Variants in CCR3 observed in about 807,000 individuals in gnomAD.
The protein encoded by CCR3 is C-C motif chemokine receptor 3.
For missense variants in CCR3, 419 were observed against 437.5 expected, an observed-to-expected ratio of 0.96 and a Z score of 0.38; for synonymous variants, 203 against 179.2, an observed-to-expected ratio of 1.13 and a Z score of -1.06.
At chr3:46,229,947 T>C (rs1699942928) in intron 2 of CCR3, among the ~76,000 whole-genome samples, 1 of 152,104 alleles carries the variant, frequency 6.6e-6, no homozygotes, top group Non-Finnish European at 1.5e-5. Flanking sequence ...GGGTAGCCCT[T>C]ATCCCATGAG....
chr3:46,211,001 T>C (rs1326208260), intron 2 of CCR3: 1 of 152,176 alleles, frequency 6.6e-6, no homozygotes, highest in Non-Finnish European at 1.5e-5. Flanking sequence ...TATTCTGATG[T>C]ACTTGGTCTA....
rs201531648 is a variant in CCR3, at chr3:46,265,896, G to C, written c.738G>C (p.Ala246=). The change falls in exon 2 of 2, where the codon GCG becomes GCC. Residue 246 remains alanine (A), a synonymous_variant. Transcript: ENST00000395940. ...TCCGGCTCATTTTTGTCATCATGGC[G>C]GTGTTTTTCATTTTCTGGACACCCT... The part of the protein sequence containing the change: ...KAIRLIFVIM[A]VFFIFWTPYN... The C allele has an allele frequency of 3.7e-6, 6 of 1,614,078 alleles. No individual in the cohort carries two copies. In the Admixed American group the frequency reaches 5.0e-5, roughly 13 times the overall value.
intron 1 of CCR3, among the ~76,000 whole-genome samples, chr3:46,254,093 G>A (rs1396780435): frequency 6.6e-6 from 1 of 152,084 alleles, no homozygotes; most frequent in African/African-American, 2.4e-5. Context: ...TTATAATTAT[G>A]TATATAAATT....
chr3:46,215,728 C>A (rs764578200), intron 2 of CCR3, among the ~76,000 whole-genome samples: 3 of 152,166 alleles, frequency 2.0e-5, no homozygotes, highest in Non-Finnish European at 4.4e-5. Context: ...TACCCTGGGG[C>A]TAGAGAAATG....
upstream of CCR3, among the ~76,000 whole-genome samples, chr3:46,239,960 C>T (rs1700062929): frequency 6.6e-6 from 1 of 152,216 alleles, no homozygotes; most frequent in South Asian, 2.1e-4. Context: ...ATGGAATCTA[C>T]TGTGAACTCG....
chr3:46,240,605 A>G (rs1700071014), upstream of CCR3, among the ~76,000 whole-genome samples: 1 of 152,126 alleles, frequency 6.6e-6, no homozygotes, highest in African/African-American at 2.4e-5. Flanking sequence ...AGAGCACAAT[A>G]TATTATACTA....
At chr3:46,223,226 T>A (rs577434835) in intron 2 of CCR3, among the ~76,000 whole-genome samples, 3 of 152,122 alleles carry the variant, frequency 2.0e-5, no homozygotes, top group Non-Finnish European at 4.4e-5. Context: ...GTGGTGGACA[T>A]CTGTAATCCC....
At chr3:46,214,433 T>A (rs924751489) in intron 2 of CCR3, among the ~76,000 whole-genome samples, 2 of 152,132 alleles carry the variant, frequency 1.3e-5, no homozygotes, top group Non-Finnish European at 2.9e-5. Context: ...TTTTCTCTCA[T>A]CTTGTCAGTT....
intron 1 of CCR3, among the ~76,000 whole-genome samples, chr3:46,248,528 T>A (rs900432090): frequency 3.3e-5 from 5 of 152,088 alleles, no homozygotes; most frequent in African/African-American, 4.8e-5. Context: ...GGAGTTGTTG[T>A]TTTGTAAGGG....
intron 1 of CCR3, among the ~76,000 whole-genome samples, chr3:46,257,427 C>CTTT (rs34426861): frequency 2.0e-4 from 21 of 103,914 alleles, no homozygotes; most frequent in South Asian, 3.3e-4. Flanking sequence ...TTGTCCCAGG[C>CTTT]TTTTTTTTTT....
intron 1 of CCR3, among the ~76,000 whole-genome samples, chr3:46,250,841 G>C (rs994310755): frequency 1.3e-5 from 2 of 151,768 alleles, no homozygotes; most frequent in Admixed American, 6.6e-5. Flanking sequence ...AAGCGGGAAG[G>C]GGGGTTGGGG....
intron 1 of CCR3, among the ~76,000 whole-genome samples, chr3:46,248,997 A>T (rs909145380): frequency 2.0e-5 from 3 of 152,224 alleles, no homozygotes; most frequent in African/African-American, 7.2e-5. Flanking sequence ...GCCATGCCTT[A>T]GCAGGCGAGT....
chr3:46,245,164 C>T (rs773376782), intron 1 of CCR3, among the ~76,000 whole-genome samples: 4 of 151,880 alleles, frequency 2.6e-5, no homozygotes, highest in Admixed American at 2.0e-4. Context: ...CCATGTGCTG[C>T]CCTAAAATAC....
At chr3:46,252,761 C>A (rs750670129) in intron 1 of CCR3, among the ~76,000 whole-genome samples, 11 of 152,104 alleles carry the variant, frequency 7.2e-5, no homozygotes, top group Non-Finnish European at 1.3e-4. Flanking sequence ...GATGATACAG[C>A]AATATAGCCT....
In CCR3 at chr3:46,265,830, A is replaced by G. The variant is rs1700618198; in HGVS notation, c.672A>G (p.Lys224=). 6.2e-7 allele frequency: 1 copy of G among 1,613,926 alleles called. No homozygotes were observed. The highest frequency in any genetic ancestry group is 1.7e-5 in the Admixed American group (1 of 60,018). Reference sequence around the variant, plus strand: ...CCATCTGCTACACAGGAATCATCAAAACGCTGCTGAGGTGCCCCAGTAAAA... The same window carrying G: ...CCATCTGCTACACAGGAATCATCAAGACGCTGCTGAGGTGCCCCAGTAAAA... ...VMAICYTGII[K]TLLRCPSKKK... The change falls in exon 2 of 2, where the codon AAA becomes AAG. Residue 224 remains lysine (K), a synonymous_variant. Coordinates refer to ENST00000395940, the MANE Select transcript of CCR3 (RefSeq NM_178329.3).
At chr3:46,245,298 C>T (rs1028486890) in intron 1 of CCR3, among the ~76,000 whole-genome samples, 4 of 150,310 alleles carry the variant, frequency 2.7e-5, no homozygotes, top group Admixed American at 6.7e-5. Context: ...CGTTCCTGCA[C>T]TGTTCTCAGA....
intron 2 of CCR3, among the ~76,000 whole-genome samples, chr3:46,218,823 A>G (rs2125923115): frequency 6.6e-6 from 1 of 152,278 alleles, no homozygotes; most frequent in East Asian, 1.9e-4. Context: ...TAGAAGGGAC[A>G]TACCATAAGG....
At chr3:46,255,214 T>C (rs566121479) in intron 1 of CCR3, among the ~76,000 whole-genome samples, 1 of 152,300 alleles carries the variant, frequency 6.6e-6, no homozygotes, top group East Asian at 1.9e-4. Context: ...TGTCTATTCA[T>C]GTCCTTAGCC....
At chr3:46,239,588 C>T (rs1700058618), upstream of CCR3, among the ~76,000 whole-genome samples, 1 of 152,186 alleles carries the variant, frequency 6.6e-6, no homozygotes, top group South Asian at 2.1e-4. Context: ...CTGGTGAGAA[C>T]ACAGAGTGCT....
Sources: allele counts gnomAD v4.1 joint callset (sites outside exome capture counted in the v4.1 genomes callset), GRCh38; gene constraint gnomAD v4.1.1; transcripts MANE v1.5; gene names NCBI Gene and HGNC (gene_info 2026-07-23, HGNC 2026-07-21).